SDK1: variants seen among roughly 807,000 people sequenced by gnomAD.
SDK1 encodes the protein sidekick cell adhesion molecule 1, also known as protein sidekick-1.
Under a neutral mutation model 245.5 loss-of-function variants are expected in SDK1, and 157 were observed. The ratio of observed to expected loss-of-function variants is 0.64; its 90% CI spans 0.56 to 0.73. The LOEUF is 0.73. SDK1 is among the 30% of genes least tolerant of loss of function. The probability of loss-of-function intolerance (pLI) is 0.00; values close to 1 mark genes in which losing one functional copy is unlikely to be tolerated. For missense variants in SDK1, 3,583 were observed against 3,002.3 expected (o/e 1.19, Z -4.52); for synonymous variants, 1,647 against 1,278.5 (o/e 1.29, Z -6.15).
intron 4 of SDK1, among the ~76,000 whole-genome samples, chr7:3,804,979 C>T (rs1779205317): frequency 6.6e-6 from 1 of 152,086 alleles, no homozygotes; most frequent in African/African-American, 2.4e-5. Flanking sequence ...CTATAGTTAA[C>T]AACAGAGTGC....
chr7:3,859,732 T>A (rs1250769633), intron 5 of SDK1, among the ~76,000 whole-genome samples: 1 of 152,178 alleles, frequency 6.6e-6, no homozygotes, highest in African/African-American at 2.4e-5. Context: ...TTTCAGGGGT[T>A]AAGTCAACAC....
At chr7:4,044,265 G>T (rs1357636053) in intron 17 of SDK1, among the ~76,000 whole-genome samples, 1 of 152,128 alleles carries the variant, frequency 6.6e-6, no homozygotes, top group African/African-American at 2.4e-5. Context: ...CCAGCCTGCA[G>T]CCTCAGGATC....
At position 3,510,577 on chromosome 7, in the gene SDK1, A is replaced by T. The variant is rs11505470; in HGVS notation, c.299-108503A>T. On this transcript the variant is annotated intron_variant, in intron 1 of 44. Coordinates refer to ENST00000404826, the MANE Select transcript of SDK1 (RefSeq NM_152744.4). ...GAAACTTCTGTGCACTTTTGAGGTT[A>T]CAGAAAGAATACAGGCTCAGAGAAT... Among the ~76,000 whole-genome samples, 445 of 152,300 alleles carry T rather than the reference A, an allele frequency of 2.9e-3. 3 individuals carry two copies. The highest frequency in any genetic ancestry group is 9.6e-3 in the African/African-American group (401 of 41,556).
intron 35 of SDK1, among the ~76,000 whole-genome samples, chr7:4,202,244 C>T (rs1363126935): frequency 6.6e-6 from 1 of 152,198 alleles, no homozygotes; most frequent in Admixed American, 6.5e-5. Context: ...CAGCCCAAGG[C>T]CTAGACCCTG....
At chr7:3,806,446 A>G (rs999896241) in intron 4 of SDK1, among the ~76,000 whole-genome samples, 1 of 152,182 alleles carries the variant, frequency 6.6e-6, no homozygotes, top group African/African-American at 2.4e-5. Context: ...GACCCAACAG[A>G]CGGCTAAAGA....
intron 1 of SDK1, among the ~76,000 whole-genome samples, chr7:3,542,990 T>A (rs1410345998): frequency 6.6e-6 from 1 of 152,204 alleles, no homozygotes; most frequent in African/African-American, 2.4e-5. Context: ...AAGAGCCTCT[T>A]TGGGGAGATT....
intron 9 of SDK1, among the ~76,000 whole-genome samples, chr7:3,966,275 G>C (rs1394057004): frequency 1.3e-5 from 2 of 152,172 alleles, no homozygotes; most frequent in Non-Finnish European, 2.9e-5. Context: ...TTCTCAGCAG[G>C]TGCAGGCAGA....
In SDK1 at chr7:4,086,101, C is replaced by T. The variant is rs142735167; in HGVS notation, c.3324+6517C>T. Among the ~76,000 whole-genome samples, 33 of 152,200 alleles carry T rather than the reference C, an allele frequency of 2.2e-4. No individual in the cohort carries two copies. In the East Asian group the frequency reaches 6.4e-3, roughly 29 times the overall value. Reference sequence around the variant, plus strand: ...CTGCGTATATGTGTACTTCCTCTTTCTTCCACGGAAGGTGGCATATTGCGC... The same window carrying T: ...CTGCGTATATGTGTACTTCCTCTTTTTTCCACGGAAGGTGGCATATTGCGC... On this transcript the variant is annotated intron_variant, in intron 22 of 44. Coordinates refer to ENST00000404826, the MANE Select transcript of SDK1 (RefSeq NM_152744.4).
chr7:3,592,817 A>C (rs1278470280), intron 1 of SDK1, among the ~76,000 whole-genome samples: 1 of 152,200 alleles, frequency 6.6e-6, no homozygotes, highest in Admixed American at 6.5e-5. Flanking sequence ...TCTGATTATT[A>C]GGAAGTATAT....
chr7:3,705,771 T>C (rs556528510), intron 4 of SDK1, among the ~76,000 whole-genome samples: 1 of 152,182 alleles, frequency 6.6e-6, no homozygotes, highest in South Asian at 2.1e-4. Context: ...GCCTGATTCC[T>C]CTGGCTAGGA....
intron 28 of SDK1, among the ~76,000 whole-genome samples, chr7:4,135,512 C>T (rs1392238895): frequency 6.6e-6 from 1 of 152,234 alleles, no homozygotes; most frequent in African/African-American, 2.4e-5. Context: ...AGTCAGATGG[C>T]ACGAACCTTG....
chr7:3,918,369 A>T (rs1020644533), intron 5 of SDK1, among the ~76,000 whole-genome samples: 1 of 152,168 alleles, frequency 6.6e-6, no homozygotes, highest in Non-Finnish European at 1.5e-5. Flanking sequence ...CCCCTGTCAG[A>T]TCAGCGGCTG....
intron 4 of SDK1, among the ~76,000 whole-genome samples, chr7:3,783,663 G>A (rs1438751887): frequency 3.3e-5 from 5 of 152,076 alleles, no homozygotes; most frequent in African/African-American, 9.7e-5. Flanking sequence ...AAGGAGTGAA[G>A]ACCTTTACAC....
chr7:3,534,660 A>G (rs1778822404), intron 1 of SDK1, among the ~76,000 whole-genome samples: 1 of 151,986 alleles, frequency 6.6e-6, no homozygotes, highest in Admixed American at 6.5e-5. Context: ...CTTTCACACT[A>G]GAGGCTTTCC....
chr7:4,175,772 T>C lies in SDK1; in HGVS notation c.4937-3T>C, dbSNP rs1342252011. 3 of 1,613,700 alleles carry C rather than the reference T, an allele frequency of 1.9e-6. No homozygotes were observed. Among genetic ancestry groups the C allele is most frequent in the Non-Finnish European group, 2.5e-6 (3 of 1,179,706 alleles). On this transcript the variant is annotated splice_polypyrimidine_tract_variant and splice_region_variant and intron_variant, in intron 33 of 44. Coordinates refer to ENST00000404826, the MANE Select transcript of SDK1 (RefSeq NM_152744.4). ...CACCTTTCTGCTTTGCTTACCCCAATAGCCCAAAGCAGCTTCAAGACGGTG... is the reference window on the plus strand; with the variant it reads ...CACCTTTCTGCTTTGCTTACCCCAACAGCCCAAAGCAGCTTCAAGACGGTG...
chr7:4,108,036 T>C (rs10249233), intron 22 of SDK1, among the ~76,000 whole-genome samples: 81,260 of 152,004 alleles, frequency 0.53, 22,864 homozygotes, highest in African/African-American at 0.69. Context: ...ATCGCACGGC[T>C]CCTCTCCACT....
intron 4 of SDK1, among the ~76,000 whole-genome samples, chr7:3,701,330 G>C (rs1784732823): frequency 1.3e-5 from 2 of 152,316 alleles, no homozygotes; most frequent in African/African-American, 2.4e-5. Context: ...ACATGTCCAT[G>C]TCTATAAAAA....
chr7:3,330,883 G>C (rs576551686), intron 1 of SDK1, among the ~76,000 whole-genome samples: 1 of 151,646 alleles, frequency 6.6e-6, no homozygotes, highest in African/African-American at 2.4e-5. Flanking sequence ...GAGTTGGGAG[G>C]ATTGCTTGAG....
intron 1 of SDK1, among the ~76,000 whole-genome samples, chr7:3,380,077 T>G (rs188089780): frequency 1.3e-5 from 2 of 152,346 alleles, no homozygotes; most frequent in Admixed American, 6.5e-5. Flanking sequence ...ATGATTTTTA[T>G]TACCTTTTTA....
Sources: allele counts gnomAD v4.1 joint callset (sites outside exome capture counted in the v4.1 genomes callset), GRCh38; gene constraint gnomAD v4.1.1; transcripts MANE v1.5; gene names NCBI Gene and HGNC (gene_info 2026-07-23, HGNC 2026-07-21).